Variants in JPH3 observed in about 807,000 individuals in gnomAD.
The protein encoded by JPH3 is junctophilin 3.
In JPH3, 11 loss-of-function variants were observed where a neutral mutation model predicts 59.6. The observed-to-expected ratio is 0.18, with a 90% CI of 0.12 to 0.31. JPH3 has a LOEUF of 0.31. Among genes scored for constraint, JPH3 ranks in the 10% least tolerant of loss-of-function variants. The pLI is 1.00. For synonymous variants in JPH3, 673 were observed against 483.6 expected (o/e 1.39, Z -5.14); for missense variants, 1,202 against 1,105.7 (o/e 1.09, Z -1.24).
rs73240103 is a variant in JPH3, at chr16:87,662,090, T to C, written c.1160+17055T>C. Among the ~76,000 whole-genome samples the C allele has an allele frequency of 1.4e-3, 210 of 152,310 alleles. 2 individuals are homozygous for C. The highest frequency in any genetic ancestry group is 4.9e-3 in the African/African-American group (202 of 41,566). On this transcript the variant is annotated intron_variant, in intron 2 of 4. Transcript: ENST00000284262. ...GGTTTCCCTTGTAACCCCTCACCTT[T>C]TATTTTCTGTACCTACGGTCATCCC...
At chr16:87,602,504 G>GCCCGAGCGCGCGAGCCGGGC (rs1248455745), upstream of JPH3, among the ~76,000 whole-genome samples, 1 of 138,404 alleles carries the variant, frequency 7.2e-6, no homozygotes, top group Non-Finnish European at 1.6e-5. Flanking sequence ...GCGCCGCGCG[G>GCCCGAGCGCGCGAGCCGGGC]CCCGAGCGCG....
At chr16:87,680,662 C>T (rs991377756) in intron 2 of JPH3, among the ~76,000 whole-genome samples, 1 of 152,098 alleles carries the variant, frequency 6.6e-6, no homozygotes, top group Non-Finnish European at 1.5e-5. Flanking sequence ...GCCTGACCCT[C>T]CACAGGTGGG....
intron 1 of JPH3, among the ~76,000 whole-genome samples, chr16:87,632,890 C>T (rs1405482529): frequency 1.4e-5 from 2 of 147,438 alleles, no homozygotes; most frequent in Non-Finnish European, 3.0e-5. Context: ...TGGACTCTGT[C>T]TCAAAAAAAA....
At chr16:87,660,688 C>T (rs2032671755) in intron 2 of JPH3, among the ~76,000 whole-genome samples, 1 of 152,230 alleles carries the variant, frequency 6.6e-6, no homozygotes, top group Admixed American at 6.5e-5. Context: ...TCCCCACCAG[C>T]TGCCTCTTCC....
intron 2 of JPH3, among the ~76,000 whole-genome samples, chr16:87,657,978 C>G (rs547836570): frequency 6.6e-6 from 1 of 152,292 alleles, no homozygotes; most frequent in Non-Finnish European, 1.5e-5. Flanking sequence ...AGTGGTCACG[C>G]TCCAGGACAT....
At chr16:87,664,951 T>C (rs1190200920) in intron 2 of JPH3, among the ~76,000 whole-genome samples, 1 of 152,218 alleles carries the variant, frequency 6.6e-6, no homozygotes, top group Non-Finnish European at 1.5e-5. Context: ...GCCTGTCCCC[T>C]GAAACCGCCA....
intron 1 of JPH3, among the ~76,000 whole-genome samples, chr16:87,617,211 A>G (rs550143344): frequency 2.6e-5 from 4 of 152,316 alleles, no homozygotes; most frequent in South Asian, 4.1e-4. Flanking sequence ...TGACAGAGTG[A>G]GACTCTGTCT....
At chr16:87,669,092 C>T (rs920092714) in intron 2 of JPH3, among the ~76,000 whole-genome samples, 7 of 152,208 alleles carry the variant, frequency 4.6e-5, no homozygotes, top group African/African-American at 9.7e-5. Context: ...GGCGTGGAGG[C>T]GTGGCGGGCC....
At chr16:87,605,987 A>G (rs3849254) in intron 1 of JPH3, among the ~76,000 whole-genome samples, 11,181 of 152,240 alleles carry the variant, frequency 0.073, 1,218 homozygotes, top group African/African-American at 0.24. Context: ...TCTGGTCTTG[A>G]GGACTCGGGC....
intron 1 of JPH3, chr16:87,604,206 A>G (rs1342956017): frequency 7.0e-7 from 1 of 1,425,072 alleles, no homozygotes; most frequent in Non-Finnish European, 9.3e-7. Flanking sequence ...TTTCACCATT[A>G]GTTGAGGGAA....
chr16:87,644,871 C>T lies in JPH3; in HGVS notation c.996C>T (p.Thr332=), dbSNP rs768392713. Residue 332 remains threonine, a synonymous_variant, in exon 2 of 5, where the codon ACC becomes ACT. Transcript: ENST00000284262. Reference sequence around the variant, plus strand: ...GCTGCATGACCTTCCCGGACGGCACCAAGGAGGAGGGCAAGTACAAGCAGA... The same window carrying T: ...GCTGCATGACCTTCCCGGACGGCACTAAGGAGGAGGGCAAGTACAAGCAGA... ...GYGCMTFPDG[T]KEEGKYKQNI... 4 of 1,613,480 alleles carry T rather than the reference C, an allele frequency of 2.5e-6. No individual in the cohort carries two copies. Among genetic ancestry groups the T allele is most frequent in the Non-Finnish European group, 3.4e-6 (4 of 1,179,918 alleles).
intron 2 of JPH3, chr16:87,654,359 C>T (rs1402521656): frequency 1.3e-5 from 2 of 152,166 alleles, no homozygotes; most frequent in Non-Finnish European, 2.9e-5. Flanking sequence ...TAGAGTTTTT[C>T]TGTACTGTTG....
intron 2 of JPH3, among the ~76,000 whole-genome samples, chr16:87,650,741 A>C (rs1351280708): frequency 6.6e-6 from 1 of 152,254 alleles, no homozygotes; most frequent in Non-Finnish European, 1.5e-5. Flanking sequence ...AGCAAGGCTC[A>C]ACTCTAATGC....
chr16:87,695,572 A>C (rs879220547), intron 4 of JPH3: 5 of 455,540 alleles, frequency 1.1e-5, no homozygotes, highest in South Asian at 7.7e-5. Context: ...CTCTGGAAGC[A>C]GACTGTGGGC....
chr16:87,641,991 G>T (rs1214417596), intron 1 of JPH3, among the ~76,000 whole-genome samples: 1 of 152,226 alleles, frequency 6.6e-6, no homozygotes, highest in Non-Finnish European at 1.5e-5. Context: ...GAGGAGGGGT[G>T]GGGCTGGCTT....
At chr16:87,685,818 G>A (rs934698212) in intron 3 of JPH3, among the ~76,000 whole-genome samples, 10 of 152,190 alleles carry the variant, frequency 6.6e-5, no homozygotes, top group African/African-American at 2.4e-4. Flanking sequence ...AAAGGAAGGG[G>A]ACCAGACAGG....
rs775005504 is a variant in JPH3, at chr16:87,603,289, A to G, written c.143A>G (p.Glu48Gly). ...ACCGGCTCGTGGAGCCACGGCTTCG[A>G]GGTGCTGGGCGTCTACACCTGGCCC... ...EYTGSWSHGF[E>G]VLGVYTWPSG... The change falls in exon 1 of 5, where the codon GAG becomes GGG. Residue 48 changes from glutamate to glycine, a missense_variant. Coordinates refer to ENST00000284262, the MANE Select transcript of JPH3 (RefSeq NM_020655.4). 6.2e-7 allele frequency: 1 copy of G among 1,613,448 alleles called. No individual in the cohort carries two copies. Among genetic ancestry groups the G allele is most frequent in the South Asian group, 1.1e-5 (1 of 91,066 alleles).
intron 2 of JPH3, among the ~76,000 whole-genome samples, chr16:87,666,024 G>T (rs1287619259): frequency 6.6e-6 from 1 of 152,156 alleles, no homozygotes; most frequent in African/African-American, 2.4e-5. Flanking sequence ...GGGCAGATCA[G>T]CAAATGGTAG....
intron 1 of JPH3, among the ~76,000 whole-genome samples, chr16:87,614,282 A>G (rs1003382313): frequency 6.7e-6 from 1 of 150,328 alleles, no homozygotes; most frequent in Non-Finnish European, 1.5e-5. Flanking sequence ...GTCCCTGTAC[A>G]CAGGAGGAGC....
Sources: allele counts gnomAD v4.1 joint callset (sites outside exome capture counted in the v4.1 genomes callset), GRCh38; gene constraint gnomAD v4.1.1; transcripts MANE v1.5; gene names NCBI Gene and HGNC (gene_info 2026-07-23, HGNC 2026-07-21).